The following ETFBKMT variants were observed in gnomAD, a reference collection of about 807,000 sequenced individuals.
ETFBKMT encodes the protein electron transfer flavoprotein subunit beta lysine methyltransferase, also known as electron transfer flavoprotein beta subunit lysine methyltransferase.
A neutral mutation model predicts 18.3 loss-of-function variants in ETFBKMT; 13 were observed. The ratio of observed to expected loss-of-function variants is 0.71; its 90% CI spans 0.46 to 1.13. The LOEUF (loss-of-function observed/expected upper bound fraction) is 1.13, where lower values mean the gene tolerates loss of function less well. Among genes scored for constraint, ETFBKMT ranks in the 50% most tolerant of loss-of-function variants. The pLI is 0.00. For synonymous variants in ETFBKMT, 84 were observed against 107.9 expected (o/e 0.78, Z 1.37); for missense variants, 293 against 306.2 (o/e 0.96, Z 0.32).
intron 3 of ETFBKMT, among the ~76,000 whole-genome samples, chr12:31,666,871 A>G (rs1951202499): frequency 6.7e-6 from 1 of 150,338 alleles, no homozygotes; most frequent in East Asian, 2.0e-4. Context: ...GTTATTCAGG[A>G]TGGTCTCAAT....
intron 1 of ETFBKMT, among the ~76,000 whole-genome samples, chr12:31,661,497 C>T (rs1346185114): frequency 5.3e-5 from 8 of 150,842 alleles, no homozygotes; most frequent in Admixed American, 2.6e-4. Flanking sequence ...TTTTATGAGA[C>T]GGAGTTTTGC....
chr12:31,672,941 G>T lies in ETFBKMT; in HGVS notation c.*4951G>T, dbSNP rs1951313425. The T allele has an allele frequency of 6.6e-6, 1 of 152,458 alleles. No homozygotes were observed. Among genetic ancestry groups the T allele is most frequent in the Non-Finnish European group, 1.5e-5 (1 of 68,280 alleles). 9.4% of individuals were successfully genotyped at this position (152,458 alleles called of 1,614,324 possible). On this transcript the variant is annotated 3_prime_UTR_variant, in exon 4 of 4. Coordinates refer to ENST00000357721, the MANE Select transcript of ETFBKMT (RefSeq NM_001135863.2). Reference sequence around the variant, plus strand: ...TCTGTATAATACTACTATAAAGCATGATTTTAAATAGATAACCATTATATA... The same window carrying T: ...TCTGTATAATACTACTATAAAGCATTATTTTAAATAGATAACCATTATATA...
Position 31,662,024 on chromosome 12 carries a change from G to C in ETFBKMT, c.71G>C (p.Ser24Thr). 2 of 1,614,232 alleles carry C rather than the reference G, an allele frequency of 1.2e-6. No individual in the cohort carries two copies. Among genetic ancestry groups the C allele is most frequent in the Non-Finnish European group, 1.7e-6 (2 of 1,180,042 alleles). The change falls in exon 2 of 4, where the codon AGT (serine) becomes ACT (threonine). Residue 24 changes from serine to threonine, a missense_variant. Transcript: ENST00000357721. ...CGLLLQALRSSGLLLFPCGQC... is the reference protein window; with the variant it reads ...CGLLLQALRSTGLLLFPCGQC... ...CTCCTCTTGCAGGCTCTGCGAAGCAGTGGTCTTCTCTTGTTTCCCTGTGGC... is the reference window on the plus strand; with the variant it reads ...CTCCTCTTGCAGGCTCTGCGAAGCACTGGTCTTCTCTTGTTTCCCTGTGGC...
upstream of ETFBKMT, among the ~76,000 whole-genome samples, chr12:31,656,421 G>C (rs1951062585): frequency 6.6e-6 from 1 of 152,146 alleles, no homozygotes; most frequent in South Asian, 2.1e-4. Context: ...AAAGAGGCAG[G>C]ATAGGTTAAG....
intron 1 of ETFBKMT, among the ~76,000 whole-genome samples, chr12:31,652,194 C>T (rs958808058): frequency 3.3e-5 from 5 of 152,184 alleles, no homozygotes; most frequent in African/African-American, 9.7e-5. Flanking sequence ...CATCCACTGC[C>T]GGCTGGTCCT....
chr12:31,660,028 G>C (rs1197833395), intron 1 of ETFBKMT: 1 of 150,850 alleles, frequency 6.6e-6, no homozygotes, highest in Non-Finnish European at 1.5e-5. Flanking sequence ...TTAGCCGGGC[G>C]TGGTGGCACG....
At position 31,660,255 on chromosome 12, in the gene ETFBKMT, C is replaced by T. The variant is rs146571753; in HGVS notation, c.-114+466C>T. On this transcript the variant is annotated intron_variant, in intron 1 of 3. Transcript: ENST00000357721. ...TTTGAGAAATCGGAGGATCTGGCAGCATGTCCTGCCTAGCCTTTTTGAACT... is the reference window on the plus strand; with the variant it reads ...TTTGAGAAATCGGAGGATCTGGCAGTATGTCCTGCCTAGCCTTTTTGAACT... Among the ~76,000 whole-genome samples, 263 of 150,540 alleles carry T rather than the reference C, an allele frequency of 1.7e-3. 1 individual carries two copies. Among genetic ancestry groups the T allele is most frequent in the African/African-American group, 6.3e-3 (258 of 40,968 alleles).
At chr12:31,656,177 C>G (rs987697725), upstream of ETFBKMT, among the ~76,000 whole-genome samples, 2 of 151,854 alleles carry the variant, frequency 1.3e-5, no homozygotes, top group African/African-American at 4.8e-5. Flanking sequence ...TTGTACATGC[C>G]CATAGGAAGC....
Position 31,662,092 on chromosome 12 carries a change from A to G in ETFBKMT, c.139A>G (p.Ile47Val), listed in dbSNP as rs749244588. 19 of 1,614,080 alleles carry G rather than the reference A, an allele frequency of 1.2e-5. No individual in the cohort carries two copies. In the Admixed American group the frequency reaches 2.5e-4, roughly 21 times the overall value. Residue 47 changes from isoleucine to valine, a missense_variant, in exon 2 of 4, where the codon ATA becomes GTA. By Grantham distance (29) the Ile-to-Val change is conservative. Coordinates refer to ENST00000357721, the MANE Select transcript of ETFBKMT (RefSeq NM_001135863.2). ...AGCTGGAAGCTTTTTGGACCCTGAG[A>G]TAAAGGCTTTCCTGGAGGAGAACAC... ...RGAGSFLDPE[I>V]KAFLEENTEV...
chr12:31,649,039 G>A (rs1165129776), intron 1 of ETFBKMT, among the ~76,000 whole-genome samples: 4 of 151,450 alleles, frequency 2.6e-5, no homozygotes, highest in Admixed American at 6.6e-5. Context: ...GTGCAGTGGC[G>A]TGCAATTGGC....
intron 1 of ETFBKMT, chr12:31,660,979 T>C (rs1951114813): frequency 6.6e-6 from 1 of 152,218 alleles, no homozygotes; most frequent in South Asian, 2.1e-4. Context: ...GAAAGAACTT[T>C]AAAGGTACAG....
At chr12:31,650,396 A>G (rs1289988738) in intron 1 of ETFBKMT, among the ~76,000 whole-genome samples, 2 of 152,180 alleles carry the variant, frequency 1.3e-5, no homozygotes, top group African/African-American at 4.8e-5. Context: ...TTTAGCATAT[A>G]TCATCAAGAA....
intron 2 of ETFBKMT, among the ~76,000 whole-genome samples, chr12:31,663,062 C>T (rs796223524): frequency 1.7e-4 from 26 of 151,782 alleles, no homozygotes; most frequent in African/African-American, 6.0e-4. Flanking sequence ...CCAGCGTAGG[C>T]AACATAGTGA....
Position 31,650,626 on chromosome 12 carries a change from C to CTTTTTTTTTTTTTTTTTT in ETFBKMT, c.-114+3371_-114+3372insTTTTTTTTTTTTTTTTTT, listed in dbSNP as rs543201341. 1.1e-4 allele frequency among the ~76,000 whole-genome samples: 16 copies of CTTTTTTTTTTTTTTTTTT among 140,700 alleles called. 1 individual carries two copies. The highest frequency in any genetic ancestry group is 2.4e-4 in the South Asian group (1 of 4,220). 92.3% of individuals were successfully genotyped at this position (140,700 alleles called of 152,430 possible). On this transcript the variant is annotated intron_variant, in intron 1 of 3. Coordinates refer to the ETFBKMT transcript ENST00000412352. ...TGAGTGGAAGATTGAAATGACCTGACCTTTTTTTTTTTTTTTAAAGAATCA... is the reference window on the plus strand; with the variant it reads ...TGAGTGGAAGATTGAAATGACCTGACTTTTTTTTTTTTTTTTTTCTTTTTTTTTTTTTTTAAAGAATCA...
At position 31,667,815 on chromosome 12, in the gene ETFBKMT, A is replaced by C; in HGVS notation, c.614A>C (p.Lys205Thr). 1 of 1,614,242 alleles carries C rather than the reference A, an allele frequency of 6.2e-7. No individual in the cohort carries two copies. Among genetic ancestry groups the C allele is most frequent in the East Asian group, 2.2e-5 (1 of 44,896 alleles). The change falls in exon 4 of 4, where the codon AAG becomes ACG. Residue 205 changes from lysine (K) to threonine (T), a missense_variant. Lys to Thr is a moderately conservative substitution (Grantham distance 78). Coordinates refer to ENST00000357721, the MANE Select transcript of ETFBKMT (RefSeq NM_001135863.2). Reference sequence around the variant, plus strand: ...GATAGTCTTCATCAGTGGCTGAAGAAGTGCTTCTGGACCTATAGAACTCGA... The same window carrying C: ...GATAGTCTTCATCAGTGGCTGAAGACGTGCTTCTGGACCTATAGAACTCGA... ...LADSLHQWLK[K>T]CFWTYRTRVL...
At chr12:31,656,471 G>A (rs1951062976), upstream of ETFBKMT, among the ~76,000 whole-genome samples, 1 of 152,156 alleles carries the variant, frequency 6.6e-6, no homozygotes, top group South Asian at 2.1e-4. Flanking sequence ...CTGTGGTCAG[G>A]AATCCGGCTG....
upstream of ETFBKMT, among the ~76,000 whole-genome samples, chr12:31,658,630 A>C (rs1951082054): frequency 1.3e-5 from 2 of 152,180 alleles, no homozygotes; most frequent in African/African-American, 4.8e-5. Flanking sequence ...ACTGCAAACT[A>C]AAATGCAGAA....
rs1046751185 is a variant in ETFBKMT, at chr12:31,667,693, T to C, written c.492T>C (p.Asn164=). Residue 164 remains asparagine (N), a synonymous_variant, in exon 4 of 4, where the codon AAT becomes AAC. Transcript: ENST00000357721. The part of the protein sequence containing the change: ...ITLNCELNRL[N]PFPILIQNIL... ...TAAATTGTGAATTGAACAGACTGAATCCTTTTCCTATTTTAATCCAAAACA... is the reference window on the plus strand; with the variant it reads ...TAAATTGTGAATTGAACAGACTGAACCCTTTTCCTATTTTAATCCAAAACA... 1.9e-6 allele frequency: 3 copies of C among 1,613,840 alleles called. No individual in the cohort carries two copies. The highest frequency in any genetic ancestry group is 2.7e-5 in the African/African-American group (2 of 74,890).
intron 1 of ETFBKMT, among the ~76,000 whole-genome samples, chr12:31,647,464 C>A (rs1038982493): frequency 2.0e-5 from 3 of 152,144 alleles, no homozygotes; most frequent in Non-Finnish European, 4.4e-5. Flanking sequence ...GTTACTGAAC[C>A]TTCCTGTGAC....
Sources: gnomAD v4.1 joint callset for allele counts (sites outside exome capture counted in the v4.1 genomes callset) on GRCh38, gnomAD v4.1.1 for gene constraint, MANE v1.5 for transcripts, NCBI Gene and HGNC (gene_info 2026-07-23, HGNC 2026-07-21) for gene names.